The following NTM variants were observed in gnomAD, a reference collection of about 807,000 sequenced individuals.
The protein encoded by NTM is neurotrimin, also known as IgLON family member 2.
In NTM, 13 loss-of-function variants were observed where a neutral mutation model predicts 42.1. That is an observed-to-expected ratio of 0.31 (90% CI 0.20 to 0.49). The LOEUF (loss-of-function observed/expected upper bound fraction) is 0.49. Among genes scored for constraint, NTM ranks in the 20% least tolerant of loss-of-function variants. NTM has a pLI of 0.99. For missense variants in NTM, 373 were observed against 452.8 expected, an observed-to-expected ratio of 0.82 and a Z score of 1.60; for synonymous variants, 187 against 179.2, an observed-to-expected ratio of 1.04 and a Z score of -0.35.
intron 3 of NTM, among the ~76,000 whole-genome samples, chr11:132,173,522 G>T (rs1291713857): frequency 6.6e-6 from 1 of 152,218 alleles, no homozygotes; most frequent in Non-Finnish European, 1.5e-5. Context: ...ACTGCCAGAT[G>T]TGTAGTAAAC....
intron 1 of NTM, among the ~76,000 whole-genome samples, chr11:131,786,076 G>A (rs760455993): frequency 2.4e-4 from 37 of 152,170 alleles, no homozygotes; most frequent in Admixed American, 7.2e-4. Flanking sequence ...TTCTTTCAGG[G>A]AGAGCCAGCA....
At chr11:131,542,917 C>T (rs1020265468) in intron 1 of NTM, among the ~76,000 whole-genome samples, 5 of 152,192 alleles carry the variant, frequency 3.3e-5, no homozygotes, top group African/African-American at 9.7e-5. Context: ...ACACCCAGAT[C>T]CTCTAGGGAT....
intron 1 of NTM, among the ~76,000 whole-genome samples, chr11:131,726,833 CCTCA>C (rs200721654): frequency 0.031 from 4,644 of 151,290 alleles, 539 homozygotes; most frequent in African/African-American, 0.11. Flanking sequence ...TCTGCCTCAG[CCTCA>C]TTAGTAGCTG....
At chr11:131,564,276 A>ATTTG (rs10693408) in intron 1 of NTM, among the ~76,000 whole-genome samples, 91,684 of 151,546 alleles carry the variant, frequency 0.6, 30,006 homozygotes, top group African/African-American at 0.87. Flanking sequence ...CACCTTATTT[A>ATTTG]TTTGTTTGTT....
intron 1 of NTM, among the ~76,000 whole-genome samples, chr11:131,904,270 G>C (rs968383120): frequency 6.6e-6 from 1 of 152,138 alleles, no homozygotes; most frequent in African/African-American, 2.4e-5. Context: ...CACAGGGGTA[G>C]AAGTAATCCA....
chr11:132,270,622 T>G (rs11222991), intron 4 of NTM, among the ~76,000 whole-genome samples: 48,960 of 151,896 alleles, frequency 0.32, 8,099 homozygotes, highest in Non-Finnish European at 0.35. Flanking sequence ...GTTATGAACA[T>G]TTTTGTATAT....
chr11:131,704,075 C>T (rs1330987146), intron 1 of NTM, among the ~76,000 whole-genome samples: 1 of 152,194 alleles, frequency 6.6e-6, no homozygotes, highest in African/African-American at 2.4e-5. Context: ...CTTACAACCC[C>T]CCTGGTTCCA....
chr11:131,680,495 A>C (rs1458983457), intron 1 of NTM, among the ~76,000 whole-genome samples: 1 of 100,036 alleles, frequency 1.0e-5, no homozygotes, highest in African/African-American at 3.8e-5. Context: ...CTGTGTAGGC[A>C]TGTGTGCCTC....
At chr11:132,261,749 T>C (rs1455728929) in intron 4 of NTM, among the ~76,000 whole-genome samples, 7 of 152,176 alleles carry the variant, frequency 4.6e-5, no homozygotes, top group Admixed American at 4.6e-4. Context: ...ACCTTTTTAA[T>C]AGAATGGGAG....
At chr11:131,506,230 A>G (rs1475000591) in intron 1 of NTM, among the ~76,000 whole-genome samples, 1 of 151,958 alleles carries the variant, frequency 6.6e-6, no homozygotes, top group Admixed American at 6.6e-5. Flanking sequence ...CCCTTTCCGT[A>G]CCTCATTCGG....
intron 4 of NTM, among the ~76,000 whole-genome samples, chr11:132,230,802 TCA>T (rs1188976088): frequency 4.6e-5 from 7 of 152,120 alleles, no homozygotes; most frequent in Non-Finnish European, 7.3e-5. Context: ...GGGAGGAGGC[TCA>T]CAAGCCCAGG....
chr11:131,593,453 G>A (rs1426077068), intron 1 of NTM, among the ~76,000 whole-genome samples: 1 of 152,168 alleles, frequency 6.6e-6, no homozygotes, highest in African/African-American at 2.4e-5. Flanking sequence ...CCTCACCAGG[G>A]TCCATGGGCT....
chr11:131,989,717 G>GCACACACA (rs57222149), intron 2 of NTM, among the ~76,000 whole-genome samples: 21 of 149,428 alleles, frequency 1.4e-4, no homozygotes, highest in South Asian at 4.2e-4. Context: ...TTAGATACAT[G>GCACACACA]CACACACACA....
intron 1 of NTM, among the ~76,000 whole-genome samples, chr11:131,765,546 C>G (rs1231782387): frequency 6.6e-6 from 1 of 152,206 alleles, no homozygotes; most frequent in Non-Finnish European, 1.5e-5. Flanking sequence ...ATCAACCCAG[C>G]CCCATGTCCT....
At chr11:132,082,861 A>G (rs2059258657) in intron 2 of NTM, among the ~76,000 whole-genome samples, 1 of 152,224 alleles carries the variant, frequency 6.6e-6, no homozygotes, top group Non-Finnish European at 1.5e-5. Context: ...CCGGGTTATT[A>G]GAAGACATGT....
intron 4 of NTM, among the ~76,000 whole-genome samples, chr11:132,221,676 G>T (rs537298029): frequency 2.0e-5 from 3 of 152,180 alleles, no homozygotes; most frequent in African/African-American, 7.2e-5. Flanking sequence ...GCAAGCTCAA[G>T]TTTGAGAACT....
chr11:132,094,597 T>A lies in NTM; in HGVS notation c.168-51685T>A, dbSNP rs77010387. On this transcript the variant is annotated intron_variant, in intron 2 of 8. Coordinates refer to ENST00000683400, the MANE Select transcript of NTM (RefSeq NM_001352005.2). Reference sequence around the variant, plus strand: ...GACTGAAAGGAAGAGCTGACTGATTTGTTTAGATTGAGTAGTGCATTGAGG... The same window carrying A: ...GACTGAAAGGAAGAGCTGACTGATTAGTTTAGATTGAGTAGTGCATTGAGG... 6.5e-3 allele frequency among the ~76,000 whole-genome samples: 995 copies of A among 152,282 alleles called. 9 individuals are homozygous for A. The highest frequency in any genetic ancestry group is 0.021 in the African/African-American group (892 of 41,560).
intron 1 of NTM, among the ~76,000 whole-genome samples, chr11:131,873,578 TATATATACCGTATATATATAC>T (rs1168299384): frequency 2.1e-5 from 1 of 47,192 alleles, no homozygotes; most frequent in African/African-American, 5.0e-5. Context: ...TATATACATA[TATATATACCGTATATATATAC>T]ATATATATAT....
intron 2 of NTM, among the ~76,000 whole-genome samples, chr11:131,934,669 A>G (rs1460173032): frequency 2.0e-5 from 3 of 152,132 alleles, no homozygotes; most frequent in Admixed American, 6.5e-5. Context: ...GGGCTAGTGG[A>G]TGTCTCTCTG....
Sources: allele counts gnomAD v4.1 joint callset (sites outside exome capture counted in the v4.1 genomes callset), GRCh38; gene constraint gnomAD v4.1.1; transcripts MANE v1.5; gene names NCBI Gene and HGNC (gene_info 2026-07-23, HGNC 2026-07-21).